CCZ1B: variants seen among roughly 807,000 people sequenced by gnomAD.
CCZ1B encodes the protein CCZ1B vacuolar protein trafficking and biogenesis associated.
CCZ1B carries 25 observed loss-of-function variants against 58.8 expected under a neutral mutation model. That is an observed-to-expected ratio of 0.43 (90% CI 0.31 to 0.59). CCZ1B has a LOEUF of 0.59. Among genes scored for constraint, CCZ1B ranks in the 20% least tolerant of loss-of-function variants. The pLI, the probability that CCZ1B is intolerant of heterozygous loss-of-function variation, is 0.12. For synonymous variants in CCZ1B, 66 were observed against 173.2 expected (o/e 0.38, Z 4.86); for missense variants, 180 against 501.5 (o/e 0.36, Z 6.12).
At chr7:6,820,083 T>A in intron 6 of CCZ1B, 142 bp from the exon 7 acceptor site, 1 of 1,225,174 alleles carries the variant, frequency 8.2e-7, no homozygotes, top group East Asian at 2.4e-5. Context: ...GAGGCCGTGG[T>A]GAAGACATGG....
chr7:6,804,183 G>C (rs559281968), intron 12 of CCZ1B, among the ~76,000 whole-genome samples: 86 of 145,024 alleles, frequency 5.9e-4, no homozygotes, highest in African/African-American at 2.1e-3. Flanking sequence ...CCAGCACTTT[G>C]GGAGGCTGAG....
intron 7 of CCZ1B, among the ~76,000 whole-genome samples, chr7:6,818,659 AAGACAGAC>A (rs1162318991): frequency 5.6e-5 from 7 of 124,766 alleles, no homozygotes; most frequent in South Asian, 3.1e-4. Flanking sequence ...GACAGAAAGA[AAGACAGAC>A]AGAAAGAAAG....
intron 4 of CCZ1B, 64 bp downstream of exon 4, chr7:6,824,025 G>C: frequency 1.0e-6 from 1 of 975,360 alleles, no homozygotes; most frequent in East Asian, 2.8e-5. Context: ...ACCAAGTAAG[G>C]CATTCAACAT....
chr7:6,813,581 G>A (rs1184522963), intron 8 of CCZ1B, among the ~76,000 whole-genome samples: 1 of 149,248 alleles, frequency 6.7e-6, no homozygotes, highest in East Asian at 1.9e-4. Flanking sequence ...AGGACAAGAG[G>A]GAGGGAATGA....
chr7:6,808,392 A>G (rs995410454), intron 10 of CCZ1B, among the ~76,000 whole-genome samples: 9 of 65,730 alleles, frequency 1.4e-4, no homozygotes, highest in African/African-American at 4.6e-4. Flanking sequence ...ACCAAAAAAA[A>G]AAAAAACAAA....
intron 6 of CCZ1B, among the ~76,000 whole-genome samples, chr7:6,820,655 C>T (rs1248451411): frequency 1.3e-5 from 2 of 148,796 alleles, no homozygotes; most frequent in Non-Finnish European, 1.5e-5. Flanking sequence ...GGCACAGCGG[C>T]TCGCGCCTGT....
chr7:6,815,410 G>A (rs145674686), intron 7 of CCZ1B, among the ~76,000 whole-genome samples: 1,828 of 149,370 alleles, frequency 0.012, 116 homozygotes, highest in African/African-American at 0.044. Context: ...CAGTGCTCCC[G>A]CCTCAGCCTC....
Position 6,823,302 on chromosome 7 carries a change from G to T in CCZ1B, c.438+11C>A. The T allele has an allele frequency of 6.2e-7, 1 of 1,605,478 alleles. No individual in the cohort carries two copies. The highest frequency in any genetic ancestry group is 8.5e-7 in the Non-Finnish European group (1 of 1,176,416). On this transcript the variant is annotated intron_variant, in intron 5 of 14. Transcript: ENST00000316731. The stretch of plus-strand genomic sequence containing the variant: ...GTTGGACTCTGAGTTGAGAAAGAAC[G>T]CCACGCTTACCTTGTACATGCTGTA...
chr7:6,819,923 A>C lies in CCZ1B; in HGVS notation c.541T>G (p.Leu181Val), dbSNP rs747352226. The C allele has an allele frequency of 2.5e-6, 4 of 1,606,232 alleles. 1 individual carries two copies. Among genetic ancestry groups the C allele is most frequent in the Non-Finnish European group, 3.4e-6 (4 of 1,177,060 alleles). The change falls in exon 7 of 15, where the codon TTG becomes GTG. Residue 181 changes from leucine (L) to valine (V), a missense_variant. Physicochemically the swap from Leu to Val is conservative, Grantham distance 32. Coordinates refer to ENST00000316731, the MANE Select transcript of CCZ1B (RefSeq NM_198097.5). ...ATGTCAAGTAGGTCACATGACTGCAAATGTAGCGTTTGCAAATACTGTGGA... is the reference window on the plus strand; with the variant it reads ...ATGTCAAGTAGGTCACATGACTGCACATGTAGCGTTTGCAAATACTGTGGA... ...FFHRYLQTLH[L>V]QSCDLLDIFG...
chr7:6,804,172 C>T (rs1325843701), intron 12 of CCZ1B, among the ~76,000 whole-genome samples: 2 of 147,156 alleles, frequency 1.4e-5, no homozygotes, highest in African/African-American at 2.5e-5. Flanking sequence ...CACCTGTAAT[C>T]CCAGCACTTT....
intron 6 of CCZ1B, among the ~76,000 whole-genome samples, chr7:6,821,318 C>T (rs1377094114): frequency 6.6e-6 from 1 of 150,546 alleles, no homozygotes; most frequent in Non-Finnish European, 1.5e-5. Context: ...CCAAGAGTGC[C>T]ATCTTATACT....
intron 8 of CCZ1B, 115 bp from the exon 9 acceptor site, chr7:6,813,152 G>C: frequency 7.3e-7 from 1 of 1,365,394 alleles, no homozygotes; most frequent in Non-Finnish European, 1.0e-6. Flanking sequence ...TTTTCTTTTA[G>C]AGACAGGATC....
chr7:6,815,883 T>G (rs1327920127), intron 7 of CCZ1B, among the ~76,000 whole-genome samples: 1 of 146,344 alleles, frequency 6.8e-6, no homozygotes. Flanking sequence ...CTGGGTTATA[T>G]GGTAATGCCA....
intron 7 of CCZ1B, among the ~76,000 whole-genome samples, chr7:6,817,776 G>T (rs537635165): frequency 1.3e-5 from 2 of 149,684 alleles, no homozygotes; most frequent in Non-Finnish European, 3.0e-5. Context: ...GCACTGGGAG[G>T]CCGAGGTGGG....
intron 10 of CCZ1B, 33 bp downstream of exon 10, chr7:6,811,919 A>C (rs749807595): frequency 6.3e-7 from 1 of 1,596,360 alleles, no homozygotes; most frequent in South Asian, 1.1e-5. Flanking sequence ...ATTTCAGCAC[A>C]ATCATTAACG....
chr7:6,821,472 GAA>G (rs1328833150), intron 6 of CCZ1B, among the ~76,000 whole-genome samples: 3 of 152,306 alleles, frequency 2.0e-5, no homozygotes, highest in Admixed American at 6.5e-5. Flanking sequence ...AAACAACAAA[GAA>G]AAGTAATTCA....
Position 6,812,033 on chromosome 7 carries a change from A to G in CCZ1B, c.873T>C (p.Asp291=), listed in dbSNP as rs1562428653. The change falls in exon 10 of 15, where the codon GAT becomes GAC. Residue 291 remains aspartate (D), a synonymous_variant. Coordinates refer to ENST00000316731, the MANE Select transcript of CCZ1B (RefSeq NM_198097.5). Reference sequence around the variant, plus strand: ...TGGGGAATCTGCATTTTGCATCTGGATCATTGAGGTTCAAGGGTCCGGTAA... The same window carrying G: ...TGGGGAATCTGCATTTTGCATCTGGGTCATTGAGGTTCAAGGGTCCGGTAA... ...RFLTGPLNLN[D]PDAKCRFPKI... 4.5e-6 allele frequency: 7 copies of G among 1,555,244 alleles called. No individual in the cohort carries two copies. Among genetic ancestry groups the G allele is most frequent in the Middle Eastern group, 1.7e-4 (1 of 5,848 alleles).
intron 8 of CCZ1B, among the ~76,000 whole-genome samples, chr7:6,814,377 T>C (rs1249516852): frequency 6.7e-6 from 1 of 148,772 alleles, no homozygotes; most frequent in Non-Finnish European, 1.5e-5. Context: ...CTACTAAAAA[T>C]ACAAAAAAAT....
At chr7:6,824,924 G>C (rs1436343368) in intron 1 of CCZ1B, among the ~76,000 whole-genome samples, 187 bp from the exon 2 acceptor site, 3 of 148,852 alleles carry the variant, frequency 2.0e-5, no homozygotes, top group Non-Finnish European at 4.4e-5. Flanking sequence ...AGGATCACTT[G>C]AGCTCAGGAG....
Sources: gnomAD v4.1 joint callset for allele counts (sites outside exome capture counted in the v4.1 genomes callset) on GRCh38, gnomAD v4.1.1 for gene constraint, MANE v1.5 for transcripts, NCBI Gene and HGNC (gene_info 2026-07-23, HGNC 2026-07-21) for gene names.